Variants in PSMD14 observed in about 807,000 individuals in gnomAD.
PSMD14 encodes ubiquitin C-terminal hydrolase PSMD14.
A neutral mutation model predicts 41.2 loss-of-function variants in PSMD14; 7 were observed. The ratio of observed to expected loss-of-function variants is 0.17; its 90% CI spans 0.10 to 0.32. PSMD14 has a LOEUF of 0.32. PSMD14 is among the 10% of genes least tolerant of loss of function. The pLI is 1.00. For missense variants in PSMD14, 139 were observed against 375.6 expected (o/e 0.37, Z 5.21); for synonymous variants, 114 against 122.3 (o/e 0.93, Z 0.45).
intron 3 of PSMD14, among the ~76,000 whole-genome samples, chr2:161,334,239 G>C (rs1317321104): frequency 6.6e-6 from 1 of 152,194 alleles, no homozygotes; most frequent in Non-Finnish European, 1.5e-5. Context: ...AGGAGGCTGA[G>C]GCAGGAGAAT....
chr2:161,364,235 G>A (rs1294827631), intron 3 of PSMD14, among the ~76,000 whole-genome samples: 1 of 152,148 alleles, frequency 6.6e-6, no homozygotes, highest in Non-Finnish European at 1.5e-5. Context: ...AGCCGTTTGT[G>A]TGTCCCTCTG....
intron 7 of PSMD14, chr2:161,384,965 T>C (rs1683615245): frequency 6.6e-6 from 1 of 151,890 alleles, no homozygotes; most frequent in South Asian, 2.1e-4. Context: ...GTAAAAGGTA[T>C]CTGACTAGAA....
At chr2:161,399,394 G>A (rs1683845817) in intron 10 of PSMD14, among the ~76,000 whole-genome samples, 2 of 152,216 alleles carry the variant, frequency 1.3e-5, no homozygotes, top group South Asian at 4.1e-4. Flanking sequence ...CACAGAGTGA[G>A]CTAGTATCCA....
intron 7 of PSMD14, 27 bp from the exon 8 acceptor site, chr2:161,385,437 A>G: frequency 6.8e-7 from 1 of 1,479,626 alleles, no homozygotes; most frequent in East Asian, 2.3e-5. Flanking sequence ...TTTAAAAAAA[A>G]ATTGACTTGA....
chr2:161,350,406 A>G (rs1015502863), intron 3 of PSMD14, among the ~76,000 whole-genome samples: 2 of 152,248 alleles, frequency 1.3e-5, no homozygotes, highest in Non-Finnish European at 2.9e-5. Context: ...ATTTATACCA[A>G]GAAGGAAGTT....
chr2:161,404,458 A>G (rs749104801), intron 10 of PSMD14, among the ~76,000 whole-genome samples: 9 of 152,198 alleles, frequency 5.9e-5, no homozygotes, highest in African/African-American at 1.4e-4. Flanking sequence ...AGGAAATGCA[A>G]TGTCCTCTAA....
chr2:161,409,672 TAATGTAG>T (rs1437942739), intron 11 of PSMD14: 1 of 151,984 alleles, frequency 6.6e-6, no homozygotes, highest in Non-Finnish European at 1.5e-5. Flanking sequence ...CCACAAGAAG[TAATGTAG>T]ATAACTGAGG....
At chr2:161,382,563 A>C (rs1435646032) in intron 7 of PSMD14, 1 of 151,816 alleles carries the variant, frequency 6.6e-6, no homozygotes, top group Non-Finnish European at 1.5e-5. Context: ...GAAAAGTCTC[A>C]AGGCACTTGT....
intron 3 of PSMD14, among the ~76,000 whole-genome samples, chr2:161,344,798 C>G (rs1212008935): frequency 6.6e-6 from 1 of 152,120 alleles, no homozygotes; most frequent in Non-Finnish European, 1.5e-5. Flanking sequence ...TGGACACAAG[C>G]CTGCTCATAT....
chr2:161,332,622 T>C (rs1055271042), intron 3 of PSMD14, among the ~76,000 whole-genome samples: 3 of 152,218 alleles, frequency 2.0e-5, no homozygotes, highest in Admixed American at 6.5e-5. Context: ...ACTCTCACTT[T>C]AATGATGAGG....
intron 3 of PSMD14, among the ~76,000 whole-genome samples, chr2:161,334,857 G>A (rs929726206): frequency 2.0e-5 from 3 of 152,234 alleles, no homozygotes; most frequent in Non-Finnish European, 2.9e-5. Context: ...GAGCCATCAC[G>A]CCTGCCGTTT....
intron 10 of PSMD14, among the ~76,000 whole-genome samples, chr2:161,398,934 C>G (rs1479447698): frequency 6.6e-6 from 1 of 151,886 alleles, no homozygotes; most frequent in Non-Finnish European, 1.5e-5. Context: ...TGTTTGCAAT[C>G]AAACATAAAA....
At chr2:161,364,083 G>T (rs1248407124) in intron 3 of PSMD14, among the ~76,000 whole-genome samples, 1 of 152,160 alleles carries the variant, frequency 6.6e-6, no homozygotes, top group African/African-American at 2.4e-5. Context: ...TAGCAGATGG[G>T]GGAGCCAGAA....
chr2:161,349,283 A>G (rs1403942338), intron 3 of PSMD14, among the ~76,000 whole-genome samples: 5 of 152,182 alleles, frequency 3.3e-5, no homozygotes, highest in Non-Finnish European at 7.3e-5. Flanking sequence ...TACTCTTCCT[A>G]GAGAAAGGAT....
intron 4 of PSMD14, 87 bp from the exon 5 acceptor site, chr2:161,367,697 G>T: frequency 6.6e-7 from 1 of 1,505,052 alleles, no homozygotes; most frequent in Admixed American, 2.4e-5. Context: ...TATTTTCACT[G>T]GAACAAAATT....
intron 10 of PSMD14, among the ~76,000 whole-genome samples, chr2:161,403,861 CCTT>C (rs1431678969): frequency 6.6e-6 from 1 of 151,990 alleles, no homozygotes; most frequent in Admixed American, 6.6e-5. Flanking sequence ...GCTATTTACT[CCTT>C]CTTTATATGC....
intron 1 of PSMD14, among the ~76,000 whole-genome samples, chr2:161,309,823 T>C (rs1006476975): frequency 2.0e-5 from 3 of 152,166 alleles, no homozygotes; most frequent in African/African-American, 4.8e-5. Flanking sequence ...GTTTTTTGTT[T>C]TTTTTTCAGC....
intron 3 of PSMD14, among the ~76,000 whole-genome samples, chr2:161,337,309 G>A (rs960588069): frequency 2.0e-5 from 3 of 151,994 alleles, no homozygotes; most frequent in Non-Finnish European, 4.4e-5. Flanking sequence ...CTCTTTTTTG[G>A]TATCAGTAAA....
In PSMD14 at chr2:161,400,499, T is replaced by C. The variant is rs188978865; in HGVS notation, c.771+5296T>C. Among the ~76,000 whole-genome samples the C allele has an allele frequency of 5.3e-5, 8 of 152,322 alleles. No homozygotes were observed. The East Asian group carries it at 1.2e-3, about 22-fold the overall frequency. On this transcript the variant is annotated intron_variant, in intron 10 of 11. Transcript: ENST00000409682. ...TCTCATAAATATATTAGAATCTTTT[T>C]TGAGATGTACAACAATTTGAAAAAA...
Sources: allele counts gnomAD v4.1 joint callset (sites outside exome capture counted in the v4.1 genomes callset), GRCh38; gene constraint gnomAD v4.1.1; transcripts MANE v1.5; gene names NCBI Gene and HGNC (gene_info 2026-07-23, HGNC 2026-07-21).